Variants in GLG1 observed in about 807,000 individuals in gnomAD.
GLG1 encodes Golgi apparatus protein 1.
GLG1 carries 38 observed loss-of-function variants against 160.5 expected under a neutral mutation model. That is an observed-to-expected ratio of 0.24 (90% CI 0.18 to 0.31). GLG1 has a LOEUF of 0.31. Among genes scored for constraint, GLG1 ranks in the 10% least tolerant of loss-of-function variants. The probability of loss-of-function intolerance (pLI) is 1.00; values close to 1 mark genes in which losing one functional copy is unlikely to be tolerated. For missense variants in GLG1, 1,373 were observed against 1,505.2 expected (o/e 0.91, Z 1.45); for synonymous variants, 644 against 543.4 (o/e 1.19, Z -2.57).
At chr16:74,544,537 C>CA (rs2017991257) in intron 1 of GLG1, among the ~76,000 whole-genome samples, 1 of 151,858 alleles carries the variant, frequency 6.6e-6, no homozygotes, top group Non-Finnish European at 1.5e-5. Context: ...AATGGAGTCT[C>CA]ACTCTGTTGC....
At chr16:74,477,977 A>AAAACAAATAAAT (rs55773213) in intron 11 of GLG1, among the ~76,000 whole-genome samples, 36,016 of 140,064 alleles carry the variant, frequency 0.26, 4,843 homozygotes, top group East Asian at 0.37. Flanking sequence ...CCGTCTCAAA[A>AAAACAAATAAAT]AAATAAATAA....
chr16:74,530,788 C>A (rs2017508047), intron 2 of GLG1, among the ~76,000 whole-genome samples: 1 of 151,982 alleles, frequency 6.6e-6, no homozygotes, highest in African/African-American at 2.4e-5. Context: ...AGGTGCGAAC[C>A]CATTTATCAA....
At chr16:74,512,886 A>G (rs1340190428) in intron 2 of GLG1, among the ~76,000 whole-genome samples, 1 of 152,162 alleles carries the variant, frequency 6.6e-6, no homozygotes, top group Admixed American at 6.6e-5. Context: ...GAGTCTTGGT[A>G]GCAGTCCAGT....
At chr16:74,535,418 T>C (rs1292624248) in intron 1 of GLG1, among the ~76,000 whole-genome samples, 2 of 152,176 alleles carry the variant, frequency 1.3e-5, no homozygotes, top group African/African-American at 4.8e-5. Context: ...TATAAATGCG[T>C]CTTATTTTTG....
intron 1 of GLG1, among the ~76,000 whole-genome samples, chr16:74,585,541 C>T (rs1958028404): frequency 6.6e-6 from 1 of 151,514 alleles, no homozygotes; most frequent in African/African-American, 2.4e-5. Flanking sequence ...CTCGTCTGTA[C>T]TAAAACTACA....
At chr16:74,484,816 A>G (rs2015734987) in intron 9 of GLG1, among the ~76,000 whole-genome samples, 1 of 152,064 alleles carries the variant, frequency 6.6e-6, no homozygotes, top group East Asian at 1.9e-4. Flanking sequence ...GGGTTTCTCC[A>G]TGTTGGTTAG....
At chr16:74,531,538 G>C (rs1567506977) in intron 2 of GLG1, among the ~76,000 whole-genome samples, 2 of 151,984 alleles carry the variant, frequency 1.3e-5, no homozygotes. Flanking sequence ...TGTTGGCTGG[G>C]CTGGTCTCAA....
intron 1 of GLG1, among the ~76,000 whole-genome samples, chr16:74,541,058 G>A (rs1204700771): frequency 6.6e-6 from 1 of 152,148 alleles, no homozygotes; most frequent in Non-Finnish European, 1.5e-5. Flanking sequence ...GGGTGTGGTG[G>A]CTCACGTCTG....
intron 25 of GLG1, among the ~76,000 whole-genome samples, 198 bp from the exon 26 acceptor site, chr16:74,453,532 A>G (rs193120698): frequency 4.2e-4 from 64 of 152,322 alleles, no homozygotes; most frequent in African/African-American, 1.5e-3. Context: ...CTACTGCACA[A>G]AATTAGAAAT....
chr16:74,568,719 G>T (rs1365078764), intron 1 of GLG1, among the ~76,000 whole-genome samples: 1 of 152,062 alleles, frequency 6.6e-6, no homozygotes, highest in Non-Finnish European at 1.5e-5. Context: ...CGCCTGGCCT[G>T]TACGTATATT....
intron 2 of GLG1, among the ~76,000 whole-genome samples, chr16:74,509,756 G>A (rs1471677882): frequency 6.6e-6 from 1 of 151,714 alleles, no homozygotes; most frequent in Non-Finnish European, 1.5e-5. Context: ...GACTGAGGCA[G>A]GAGAACGGCG....
chr16:74,568,044 G>A (rs2018709684), intron 1 of GLG1, among the ~76,000 whole-genome samples: 1 of 152,174 alleles, frequency 6.6e-6, no homozygotes, highest in South Asian at 2.1e-4. Context: ...CTGGTTCAGG[G>A]ACTCAGACAA....
intron 1 of GLG1, among the ~76,000 whole-genome samples, chr16:74,549,946 T>C (rs993521833): frequency 7.4e-6 from 1 of 135,036 alleles, no homozygotes; most frequent in Non-Finnish European, 1.6e-5. Flanking sequence ...AAACCCCAAA[T>C]GTGCCAAAAA....
intron 18 of GLG1, among the ~76,000 whole-genome samples, chr16:74,466,990 C>G (rs12325017): frequency 0.29 from 44,232 of 152,070 alleles, 6,620 homozygotes; most frequent in Middle Eastern, 0.39. Context: ...ACTGAAGGAA[C>G]ACATAGATTG....
At chr16:74,523,536 T>C (rs1426038604) in intron 2 of GLG1, among the ~76,000 whole-genome samples, 1 of 152,194 alleles carries the variant, frequency 6.6e-6, no homozygotes, top group African/African-American at 2.4e-5. Flanking sequence ...ATTCACATTT[T>C]TTATAACACC....
At chr16:74,513,845 G>T (rs1017565372) in intron 2 of GLG1, among the ~76,000 whole-genome samples, 3 of 152,116 alleles carry the variant, frequency 2.0e-5, no homozygotes, top group African/African-American at 7.2e-5. Flanking sequence ...ACTTCTCTGA[G>T]CTTAACGAGC....
intron 1 of GLG1, among the ~76,000 whole-genome samples, chr16:74,575,926 C>G (rs8045959): frequency 0.23 from 35,663 of 152,002 alleles, 7,186 homozygotes; most frequent in African/African-American, 0.53. Flanking sequence ...ACTAGCCAGG[C>G]GCGGTGGTTC....
chr16:74,452,807 A>T lies in GLG1; in HGVS notation c.*360T>A, dbSNP rs913773147. The T allele has an allele frequency of 1.5e-4, 123 of 805,938 alleles. No homozygotes were observed. The highest frequency in any genetic ancestry group is 5.4e-4 in the East Asian group (5 of 9,322). 49.9% of individuals were successfully genotyped at this position (805,938 alleles called of 1,614,324 possible). ...TATATACATTTTTTTCTTTAAAAAA[A>T]TTTTTTTTTTTGGTGGTTTTCTTAA... On this transcript the variant is annotated 3_prime_UTR_variant, in exon 26 of 26. Coordinates refer to ENST00000422840, the MANE Select transcript of GLG1 (RefSeq NM_001145667.2).
rs571512819 is a variant in GLG1 at position 74,584,324 on chromosome 16, C to T, written c.438+22333G>A. 5.5e-4 allele frequency among the ~76,000 whole-genome samples: 84 copies of T among 152,290 alleles called. No homozygotes were observed. The Middle Eastern group carries it at 0.02, about 37-fold the overall frequency. On this transcript the variant is annotated intron_variant, in intron 1 of 25. Coordinates refer to ENST00000422840, the MANE Select transcript of GLG1 (RefSeq NM_001145667.2). Reference sequence around the variant, plus strand: ...TTTTCTTTGACTCTCCTTTATTCTCCTTGCAGACAATAATATGAACTTGGA... The same window carrying T: ...TTTTCTTTGACTCTCCTTTATTCTCTTTGCAGACAATAATATGAACTTGGA...
Sources: gnomAD v4.1 joint callset for allele counts (sites outside exome capture counted in the v4.1 genomes callset) on GRCh38, gnomAD v4.1.1 for gene constraint, MANE v1.5 for transcripts, NCBI Gene and HGNC (gene_info 2026-07-23, HGNC 2026-07-21) for gene names.